UNC45B: variants seen among roughly 807,000 people sequenced by gnomAD.
UNC45B encodes the protein protein unc-45 homolog B.
A neutral mutation model predicts 98.7 loss-of-function variants in UNC45B; 78 were observed. That is an observed-to-expected ratio of 0.79 (90% CI 0.66 to 0.95). UNC45B has a LOEUF of 0.95. UNC45B is among the 40% of genes least tolerant of loss of function. The pLI, the probability that UNC45B is intolerant of heterozygous loss-of-function variation, is 0.00. For missense variants in UNC45B, 1,225 were observed against 1,184.9 expected (o/e 1.03, Z -0.50); for synonymous variants, 462 against 480.4 (o/e 0.96, Z 0.50).
rs182209414 is a variant in UNC45B at position 35,176,711 on chromosome 17, G to A, written c.2026-306G>A. Reference sequence around the variant, plus strand: ...AACAAAACAAAACAAACAAACAAAAGGATTGAGTTTGGCTTGGGCAGAAAG... The same window carrying A: ...AACAAAACAAAACAAACAAACAAAAAGATTGAGTTTGGCTTGGGCAGAAAG... On this transcript the variant is annotated intron_variant, in intron 15 of 19. Transcript: ENST00000394570. 3.3e-4 allele frequency among the ~76,000 whole-genome samples: 50 copies of A among 152,198 alleles called. No homozygotes were observed. In the East Asian group the frequency reaches 8.9e-3, roughly 27 times the overall value.
chr17:35,161,769 G>A (rs2092104078), intron 8 of UNC45B, among the ~76,000 whole-genome samples: 1 of 152,092 alleles, frequency 6.6e-6, no homozygotes, highest in Admixed American at 6.5e-5. Flanking sequence ...TGGTTGCCAG[G>A]GGAAACAACC....
At chr17:35,154,207 C>T (rs572648424) in intron 5 of UNC45B, among the ~76,000 whole-genome samples, 13 of 152,280 alleles carry the variant, frequency 8.5e-5, no homozygotes, top group Admixed American at 6.5e-4. Context: ...TTCATTTCTC[C>T]ACCTTTTTTC....
intron 17 of UNC45B, among the ~76,000 whole-genome samples, 176 bp downstream of exon 17, chr17:35,177,786 G>T (rs1350181554): frequency 6.6e-6 from 1 of 152,112 alleles, no homozygotes; most frequent in East Asian, 1.9e-4. Context: ...GCCAAAAAAT[G>T]CTACAAGGCC....
At chr17:35,171,826 G>A (rs982798699) in intron 13 of UNC45B, among the ~76,000 whole-genome samples, 1 of 152,106 alleles carries the variant, frequency 6.6e-6, no homozygotes, top group Non-Finnish European at 1.5e-5. Flanking sequence ...TTGTGACATG[G>A]GTGCTAAGTA....
chr17:35,153,019 ACC>A, intron 5 of UNC45B, 37 bp downstream of exon 5: 1 of 1,472,418 alleles, frequency 6.8e-7, no homozygotes, highest in South Asian at 1.3e-5. Flanking sequence ...CAGCAGAAGG[ACC>A]CGCCAGTCTG....
chr17:35,164,255 A>G (rs951912454), intron 9 of UNC45B, 89 bp downstream of exon 9: 17 of 1,444,322 alleles, frequency 1.2e-5, no homozygotes, highest in Admixed American at 2.2e-5. Flanking sequence ...AGCAGCTCAA[A>G]CAATAGTGTT....
intron 18 of UNC45B, among the ~76,000 whole-genome samples, chr17:35,182,056 A>G (rs964219729): frequency 1.3e-5 from 2 of 151,306 alleles, no homozygotes; most frequent in African/African-American, 2.4e-5. Flanking sequence ...TTTCTTGCTC[A>G]CCATGTCAAA....
In UNC45B at chr17:35,168,136, CT is replaced by C; in HGVS notation, c.1230del (p.Phe410LeufsTer10). On this transcript the variant is annotated frameshift_variant, in exon 10 of 20. Transcript: ENST00000394570. LOFTEE classifies it high-confidence loss of function. ...QTVSGILQGP[F>X]DLGNQLLGLK... is the part of the protein sequence containing the mutation. ...CAGTGTCAGGGATCCTGCAGGGCCC[CT>C]TTGACCTGGGCAACCAGCTGCTGGG... 6.3e-7 allele frequency: 1 copy of C among 1,599,670 alleles called. No homozygotes were observed. Among genetic ancestry groups the C allele is most frequent in the Non-Finnish European group, 8.5e-7 (1 of 1,172,498 alleles).
chr17:35,169,401 GC>G (rs1202373963), intron 10 of UNC45B, among the ~76,000 whole-genome samples: 3 of 152,128 alleles, frequency 2.0e-5, no homozygotes, highest in African/African-American at 4.8e-5. Context: ...TTATGAAACC[GC>G]CCCCCTAAGA....
intron 18 of UNC45B, 21 bp from the exon 19 acceptor site, chr17:35,183,406 C>T: frequency 6.6e-7 from 1 of 1,521,232 alleles, no homozygotes; most frequent in Non-Finnish European, 8.8e-7. Flanking sequence ...TTTCTCTGAG[C>T]CATGTTCCTG....
intron 19 of UNC45B, among the ~76,000 whole-genome samples, chr17:35,185,781 T>C (rs2092299984): frequency 6.6e-6 from 1 of 152,172 alleles, no homozygotes; most frequent in South Asian, 2.1e-4. Flanking sequence ...TTAAATAACT[T>C]AGCTGAGGCC....
Position 35,186,835 on chromosome 17 carries a change from G to T in UNC45B, c.*276G>T. 2.9e-6 allele frequency: 1 copy of T among 343,638 alleles called. No individual in the cohort carries two copies. Among genetic ancestry groups the T allele is most frequent in the Non-Finnish European group, 5.4e-6 (1 of 185,982 alleles). The allele number at this position is 343,638 out of a possible 1,614,324, so 21.3% of individuals were successfully genotyped here. A position where few individuals can be genotyped will look rare whatever the true frequency, so the allele number is the denominator to read the frequency against. On this transcript the variant is annotated 3_prime_UTR_variant, in exon 20 of 20. Transcript: ENST00000394570. ...TTTCACCCATGATTAGAAATAGGTT[G>T]GATCATTCTTTCTGTACCCATTCTG...
intron 13 of UNC45B, among the ~76,000 whole-genome samples, chr17:35,173,388 A>T (rs761424836): frequency 6.6e-6 from 1 of 152,018 alleles, no homozygotes; most frequent in Non-Finnish European, 1.5e-5. Context: ...AGCCTCCCAA[A>T]GTGCTGGAAT....
chr17:35,174,417 G>A, intron 14 of UNC45B, 48 bp downstream of exon 14: 1 of 1,611,458 alleles, frequency 6.2e-7, no homozygotes, highest in East Asian at 2.2e-5. Flanking sequence ...GGGGGCCGAG[G>A]GTCCTGGAGT....
intron 10 of UNC45B, among the ~76,000 whole-genome samples, chr17:35,169,543 G>T (rs2092167220): frequency 6.6e-6 from 1 of 152,142 alleles, no homozygotes; most frequent in African/African-American, 2.4e-5. Flanking sequence ...ACTTGGTCTT[G>T]CTGGTTTTTC....
At chr17:35,175,491 TA>T (rs2092226217) in intron 14 of UNC45B, among the ~76,000 whole-genome samples, 1 of 152,136 alleles carries the variant, frequency 6.6e-6, no homozygotes, top group African/African-American at 2.4e-5. Context: ...AGGAGCCACC[TA>T]AATGCAGGAG....
At chr17:35,164,754 C>G (rs990865793) in intron 9 of UNC45B, 24 of 152,226 alleles carry the variant, frequency 1.6e-4, no homozygotes, top group African/African-American at 5.3e-4. Context: ...CAGAGTCTCA[C>G]TCTGTTCCCC....
At chr17:35,157,990 C>T (rs1024114969) in intron 7 of UNC45B, among the ~76,000 whole-genome samples, 1 of 152,172 alleles carries the variant, frequency 6.6e-6, no homozygotes, top group Non-Finnish European at 1.5e-5. Context: ...ATCCTTCCAC[C>T]TCAGCTTCTG....
At chr17:35,184,421 G>C (rs1452194723) in intron 19 of UNC45B, among the ~76,000 whole-genome samples, 2 of 152,184 alleles carry the variant, frequency 1.3e-5, no homozygotes, top group Admixed American at 6.5e-5. Context: ...TAGTAGATTG[G>C]GGGTGGGAGG....
Sources: gnomAD v4.1 joint callset for allele counts (sites outside exome capture counted in the v4.1 genomes callset) on GRCh38, gnomAD v4.1.1 for gene constraint, MANE v1.5 for transcripts, NCBI Gene and HGNC (gene_info 2026-07-23, HGNC 2026-07-21) for gene names.